IPO9: variants seen among roughly 807,000 people sequenced by gnomAD.
The protein encoded by IPO9 is importin 9, also known as importin-9.
In IPO9, 28 loss-of-function variants were observed where a neutral mutation model predicts 128.6. That is an observed-to-expected ratio of 0.22 (90% CI 0.16 to 0.30). The LOEUF is 0.30. Among genes scored for constraint, IPO9 ranks in the 10% least tolerant of loss-of-function variants. The pLI, the probability that IPO9 is intolerant of heterozygous loss-of-function variation, is 1.00. For missense variants in IPO9, 935 were observed against 1,293.9 expected (o/e 0.72, Z 4.26); for synonymous variants, 455 against 475.8 (o/e 0.96, Z 0.57).
At chr1:201,860,062 C>G (rs902468146) in intron 13 of IPO9, among the ~76,000 whole-genome samples, 3 of 152,176 alleles carry the variant, frequency 2.0e-5, no homozygotes, top group Admixed American at 1.3e-4. Context: ...CTGCTACTTG[C>G]TTCTGCCATG....
chr1:201,852,932 T>C, intron 5 of IPO9, 79 bp from the exon 6 acceptor site: 1 of 1,109,570 alleles, frequency 9.0e-7, no homozygotes, highest in Admixed American at 1.8e-5. Flanking sequence ...GTCATAGTTT[T>C]ACTTCTAGTC....
At chr1:201,873,166 G>A (rs1680692880) in intron 20 of IPO9, among the ~76,000 whole-genome samples, 1 of 152,188 alleles carries the variant, frequency 6.6e-6, no homozygotes, top group African/African-American at 2.4e-5. Context: ...AAATAGGCCG[G>A]GCATGGTGGC....
In IPO9 at chr1:201,857,109, C is replaced by T. The variant is rs1274231613; in HGVS notation, c.1136C>T (p.Thr379Ile). 1.2e-6 allele frequency: 2 copies of T among 1,608,078 alleles called. No homozygotes were observed. The highest frequency in any genetic ancestry group is 1.7e-6 in the Non-Finnish European group (2 of 1,174,436). ...QITEEQIKVW[T>I]ANPQQFVEDE... The stretch of plus-strand genomic sequence containing the variant: ...TGATCTTTTCAGATTAAAGTATGGA[C>T]AGCCAACCCCCAACAATTTGTAGAA... Residue 379 changes from threonine (T) to isoleucine (I), a missense_variant, in exon 11 of 24, where the codon ACA (threonine) becomes ATA (isoleucine). Physicochemically the swap from Thr to Ile is moderately conservative, Grantham distance 89. Coordinates refer to ENST00000361565, the MANE Select transcript of IPO9 (RefSeq NM_018085.5).
intron 20 of IPO9, among the ~76,000 whole-genome samples, chr1:201,873,440 G>A (rs1401195393): frequency 1.3e-4 from 11 of 84,804 alleles, no homozygotes; most frequent in Admixed American, 3.3e-4. Context: ...ATGAGACTCC[G>A]TCTCAAAAAA....
intron 13 of IPO9, among the ~76,000 whole-genome samples, chr1:201,863,047 T>C (rs890551770): frequency 1.3e-5 from 2 of 151,970 alleles, no homozygotes; most frequent in Non-Finnish European, 2.9e-5. Flanking sequence ...TCTATTTACT[T>C]CTAAAAAATT....
intron 1 of IPO9, among the ~76,000 whole-genome samples, chr1:201,832,043 A>G (rs1158849727): frequency 6.6e-6 from 1 of 151,684 alleles, no homozygotes; most frequent in East Asian, 1.9e-4. Flanking sequence ...CTGGGATTAC[A>G]GGCACCTGCC....
intron 1 of IPO9, among the ~76,000 whole-genome samples, chr1:201,833,034 AT>A (rs1427158068): frequency 6.6e-6 from 1 of 152,198 alleles, no homozygotes; most frequent in Non-Finnish European, 1.5e-5. Flanking sequence ...AGTCCTGATC[AT>A]TTAGTGTACC....
chr1:201,840,606 T>G (rs921825511), intron 1 of IPO9, among the ~76,000 whole-genome samples: 1 of 152,188 alleles, frequency 6.6e-6, no homozygotes, highest in African/African-American at 2.4e-5. Flanking sequence ...TGCAGCATTT[T>G]TATTAAAACA....
rs1680730943 is a variant in IPO9 at position 201,874,858 on chromosome 1, C to A, written c.2860C>A (p.Gln954Lys). 1.9e-6 allele frequency: 3 copies of A among 1,613,084 alleles called. No individual in the cohort carries two copies. The highest frequency in any genetic ancestry group is 1.7e-5 in the Admixed American group (1 of 59,988). The change falls in exon 22 of 24, where the codon CAG becomes AAG. Residue 954 changes from glutamine to lysine, a missense_variant. Physicochemically the swap from Gln to Lys is moderately conservative, Grantham distance 53. Transcript: ENST00000361565. ...TGACTCCAATGATATGTGGGAGGAC[C>A]AGGAGGAGGAAGAGGAGGAGGAGGA... ...QDDSNDMWED[Q>K]EEEEEEEEDG...
rs764432538 is a variant in IPO9, at chr1:201,829,159, C to T, written c.-51C>T. The T allele has an allele frequency of 3.5e-5, 49 of 1,407,130 alleles. No homozygotes were observed. Among genetic ancestry groups the T allele is most frequent in the Non-Finnish European group, 4.5e-5 (49 of 1,084,820 alleles). 87.2% of individuals were successfully genotyped at this position (1,407,130 alleles called of 1,614,324 possible). A position where few individuals can be genotyped will look rare whatever the true frequency, so the allele number is the denominator to read the frequency against. On this transcript the variant is annotated 5_prime_UTR_variant, in exon 1 of 24. Coordinates refer to ENST00000361565, the MANE Select transcript of IPO9 (RefSeq NM_018085.5). ...CGGATTGGCCGCGCGCGGGGGCCGT[C>T]ATTCGGTGGCGGGTCCCGGCCGCGG...
rs375882107 is a variant in IPO9, at chr1:201,870,580, C to T, written c.2134-3C>T. On this transcript the variant is annotated splice_region_variant and splice_polypyrimidine_tract_variant and intron_variant, in intron 17 of 23. Transcript: ENST00000361565. The surrounding 1 kb of genome is among the most constrained non-coding windows in gnomAD (Gnocchi z 4.9). ...ATCTTGCTTGCCACCCCTGTCTCCC[C>T]AGAATGGCGGAGAGTGCTTGCGGGC... 2.5e-4 allele frequency: 409 copies of T among 1,610,184 alleles called. No homozygotes were observed. The highest frequency in any genetic ancestry group is 3.0e-4 in the Non-Finnish European group (357 of 1,176,984).
intron 1 of IPO9, among the ~76,000 whole-genome samples, chr1:201,836,366 T>G (rs2102868297): frequency 6.6e-6 from 1 of 152,284 alleles, no homozygotes; most frequent in East Asian, 1.9e-4. Context: ...GGCTTTTCCT[T>G]CTTTGCATTA....
At chr1:201,859,180 A>AATATAT (rs148348918) in intron 13 of IPO9, among the ~76,000 whole-genome samples, 186 bp downstream of exon 13, 6 of 83,454 alleles carry the variant, frequency 7.2e-5, no homozygotes, top group African/African-American at 2.0e-4. Context: ...CTCAAAGTAT[A>AATATAT]ATATATATAT....
Position 201,873,444 on chromosome 1 carries a change from CAAAAAAA to C in IPO9, c.2710+499_2710+505del, listed in dbSNP as rs571580169. Among the ~76,000 whole-genome samples the C allele has an allele frequency of 4.1e-3, 236 of 58,200 alleles. 1 individual carries two copies. The highest frequency in any genetic ancestry group is 0.017 in the African/African-American group (226 of 13,222). 38.2% of individuals were successfully genotyped at this position (58,200 alleles called of 152,430 possible). ...TGGACAACAAAATGAGACTCCGTCT[CAAAAAAA>C]AAAAAAAAAAAAAAATGCAGGCGTG... On this transcript the variant is annotated intron_variant, in intron 20 of 23. Coordinates refer to ENST00000361565, the MANE Select transcript of IPO9 (RefSeq NM_018085.5).
chr1:201,849,190 T>A (rs892816772), intron 4 of IPO9, among the ~76,000 whole-genome samples: 9 of 152,242 alleles, frequency 5.9e-5, no homozygotes, highest in Non-Finnish European at 1.0e-4. Flanking sequence ...AGTCTCAGTA[T>A]CTTTTCCTTC....
In IPO9 at chr1:201,854,998, A is replaced by G. The variant is rs75979948; in HGVS notation, c.911+75A>G. 1.9e-3 allele frequency: 2,581 copies of G among 1,370,580 alleles called. 33 individuals are homozygous for G. The East Asian group carries it at 0.033, about 17-fold the overall frequency. 84.9% of individuals were successfully genotyped at this position (1,370,580 alleles called of 1,614,324 possible). A position where few individuals can be genotyped will look rare whatever the true frequency, so the allele number is the denominator to read the frequency against. ...ATCTCGCACTGGGTTTCACATTCAT[A>G]TGGTTCCACTCTTCTTACACAGGCT... is the stretch of plus-strand genomic sequence containing the variant. On this transcript the variant is annotated intron_variant, in intron 8 of 23. Transcript: ENST00000361565.
intron 11 of IPO9, 96 bp from the exon 12 acceptor site, chr1:201,858,351 G>C (rs1028573202): frequency 3.3e-6 from 2 of 598,654 alleles, no homozygotes; most frequent in Non-Finnish European, 5.7e-6. Context: ...GAAAGAGCTT[G>C]AACCAATCAC....
chr1:201,844,560 C>T (rs1204563053), intron 1 of IPO9, among the ~76,000 whole-genome samples: 1 of 152,066 alleles, frequency 6.6e-6, no homozygotes, highest in Non-Finnish European at 1.5e-5. Flanking sequence ...AGTATTATAC[C>T]CATGTTAATT....
chr1:201,870,693 C>G lies in IPO9; in HGVS notation c.2244C>G (p.Ser748Arg), dbSNP rs753511318. ...TGTGGTATGTGATGCAAGTGGTGAG[C>G]CAGCTCCTGGACCCCCGCACCTCAG... ...NGLWYVMQVV[S>R]QLLDPRTSEF... The change falls in exon 18 of 24, where the codon AGC becomes AGG. Residue 748 changes from serine to arginine, a missense_variant. Transcript: ENST00000361565. The surrounding 1 kb of genome is among the most constrained non-coding windows in gnomAD (Gnocchi z 4.9). 2.5e-6 allele frequency: 4 copies of G among 1,614,172 alleles called. No individual in the cohort carries two copies. The Admixed American group carries it at 6.7e-5, about 27-fold the overall frequency.
Sources: allele counts gnomAD v4.1 joint callset (sites outside exome capture counted in the v4.1 genomes callset), GRCh38; gene constraint gnomAD v4.1.1; non-coding constraint Gnocchi (gnomAD v3.1); transcripts MANE v1.5; gene names NCBI Gene and HGNC (gene_info 2026-07-23, HGNC 2026-07-21).